GABBR2: variants seen among roughly 807,000 people sequenced by gnomAD.
The protein encoded by GABBR2 is gamma-aminobutyric acid type B receptor subunit 2.
A neutral mutation model predicts 105.6 loss-of-function variants in GABBR2; 23 were observed. The observed-to-expected ratio is 0.22, with a 90% CI of 0.16 to 0.31. The LOEUF (loss-of-function observed/expected upper bound fraction) is 0.31, where lower values mean the gene tolerates loss of function less well. GABBR2 is among the 10% of genes least tolerant of loss of function. GABBR2 has a pLI of 1.00. For missense variants in GABBR2, 734 were observed against 1,245.5 expected (o/e 0.59, Z 6.18); for synonymous variants, 478 against 499.7 (o/e 0.96, Z 0.58).
At chr9:98,557,996 C>A (rs906245924) in intron 2 of GABBR2, among the ~76,000 whole-genome samples, 4 of 152,080 alleles carry the variant, frequency 2.6e-5, no homozygotes, top group Non-Finnish European at 5.9e-5. Context: ...CTATCACCTT[C>A]AATTAAATTA....
chr9:98,468,865 T>C (rs1245903891), intron 6 of GABBR2, among the ~76,000 whole-genome samples: 3 of 151,894 alleles, frequency 2.0e-5, no homozygotes, highest in Non-Finnish European at 1.5e-5. Context: ...AAAGAGCTGA[T>C]TTGGATGTGT....
chr9:98,442,078 G>C (rs542816636), intron 7 of GABBR2, among the ~76,000 whole-genome samples: 1 of 152,300 alleles, frequency 6.6e-6, no homozygotes, highest in Admixed American at 6.5e-5. Context: ...AAATAAATAT[G>C]TATTAATATA....
At chr9:98,637,372 A>C (rs1477221872) in intron 1 of GABBR2, among the ~76,000 whole-genome samples, 2 of 152,220 alleles carry the variant, frequency 1.3e-5, no homozygotes, top group East Asian at 3.8e-4. Flanking sequence ...TAATGGCATT[A>C]ATAAAAATTA....
chr9:98,290,342 A>G lies in GABBR2; in HGVS notation c.*242T>C, dbSNP rs1210723206. The G allele has an allele frequency of 3.3e-6, 1 of 301,492 alleles. No individual in the cohort carries two copies. Among genetic ancestry groups the G allele is most frequent in the East Asian group, 5.2e-5 (1 of 19,328 alleles). 18.7% of individuals were successfully genotyped at this position (301,492 alleles called of 1,614,324 possible). A position where few individuals can be genotyped will look rare whatever the true frequency, so the allele number is the denominator to read the frequency against. Reference sequence around the variant, plus strand: ...TCCTTGTTTGCAGATGTTAAGGAAGACGTCCCATTTCCGTTCCTCTTCTTT... The same window carrying G: ...TCCTTGTTTGCAGATGTTAAGGAAGGCGTCCCATTTCCGTTCCTCTTCTTT... On this transcript the variant is annotated 3_prime_UTR_variant, in exon 19 of 19. Coordinates refer to ENST00000259455, the MANE Select transcript of GABBR2 (RefSeq NM_005458.8).
chr9:98,399,427 C>T (rs1047708201), intron 8 of GABBR2, among the ~76,000 whole-genome samples: 9 of 152,024 alleles, frequency 5.9e-5, no homozygotes, highest in Non-Finnish European at 1.3e-4. Flanking sequence ...CCAGGTAGAC[C>T]TGAGTGCCCT....
intron 1 of GABBR2, among the ~76,000 whole-genome samples, chr9:98,637,477 G>C (rs879404895): frequency 6.6e-6 from 1 of 152,162 alleles, no homozygotes; most frequent in Non-Finnish European, 1.5e-5. Context: ...GATGGCAATG[G>C]GGAATTAGAT....
chr9:98,672,297 A>G (rs887135200), intron 1 of GABBR2, among the ~76,000 whole-genome samples: 1 of 152,208 alleles, frequency 6.6e-6, no homozygotes, highest in Non-Finnish European at 1.5e-5. Flanking sequence ...ATATAAGTGA[A>G]GTCAGACAGT....
intron 3 of GABBR2, among the ~76,000 whole-genome samples, chr9:98,505,996 C>T (rs1827503362): frequency 6.6e-6 from 1 of 152,218 alleles, no homozygotes; most frequent in African/African-American, 2.4e-5. Context: ...AATCTAGATG[C>T]TCACATCACA....
intron 8 of GABBR2, among the ~76,000 whole-genome samples, chr9:98,404,898 G>T (rs1832462298): frequency 6.6e-6 from 1 of 152,162 alleles, no homozygotes; most frequent in Non-Finnish European, 1.5e-5. Context: ...GGTGGAATTT[G>T]TGTGGATTTT....
chr9:98,589,051 C>T (rs1396662448), intron 1 of GABBR2, among the ~76,000 whole-genome samples: 1 of 152,208 alleles, frequency 6.6e-6, no homozygotes, highest in African/African-American at 2.4e-5. Flanking sequence ...GAGGAGGTCA[C>T]CCTCTTCCCA....
intron 1 of GABBR2, among the ~76,000 whole-genome samples, chr9:98,681,593 T>A (rs422654): frequency 0.83 from 124,377 of 150,004 alleles, 51,879 homozygotes; most frequent in Middle Eastern, 0.91. Context: ...TAAAAAAAAA[T>A]TTAAAAAGAT....
chr9:98,588,050 TA>T (rs941754436), intron 1 of GABBR2, among the ~76,000 whole-genome samples: 4 of 152,110 alleles, frequency 2.6e-5, no homozygotes, highest in African/African-American at 7.2e-5. Flanking sequence ...TTTACTTAAA[TA>T]AAAAAAATAC....
intron 2 of GABBR2, among the ~76,000 whole-genome samples, chr9:98,560,601 T>C (rs937789045): frequency 1.8e-4 from 27 of 152,154 alleles, no homozygotes; most frequent in African/African-American, 6.3e-4. Context: ...AGGAACATTG[T>C]ATAGCATTCC....
chr9:98,534,011 C>G (rs1192217135), intron 3 of GABBR2, among the ~76,000 whole-genome samples: 2 of 152,198 alleles, frequency 1.3e-5, no homozygotes, highest in African/African-American at 4.8e-5. Flanking sequence ...CCCGTCCTCC[C>G]CTGCAGGAGT....
chr9:98,482,032 G>A (rs1826934655), intron 4 of GABBR2, among the ~76,000 whole-genome samples: 1 of 152,174 alleles, frequency 6.6e-6, no homozygotes, highest in African/African-American at 2.4e-5. Context: ...GCGGCCACCA[G>A]GAGACCAGCC....
intron 7 of GABBR2, among the ~76,000 whole-genome samples, chr9:98,414,483 T>C (rs537938840): frequency 6.6e-6 from 1 of 152,354 alleles, no homozygotes; most frequent in South Asian, 2.1e-4. Flanking sequence ...TTACCAGCTA[T>C]GCCAAGGATG....
intron 5 of GABBR2, among the ~76,000 whole-genome samples, chr9:98,480,118 A>C (rs899620716): frequency 2.0e-5 from 3 of 152,214 alleles, no homozygotes; most frequent in African/African-American, 7.2e-5. Flanking sequence ...CACTACGCCT[A>C]GAATGACCTC....
Position 98,681,035 on chromosome 9 carries a change from G to A in GABBR2, c.321+27382C>T, listed in dbSNP as rs1404517850. On this transcript the variant is annotated intron_variant, in intron 1 of 18. Transcript: ENST00000259455. ...CAACCATTGTGGAAGTCAGTGTGGC[G>A]ACTCCTCAGGGATCTAGAACTAGAA... Among the ~76,000 whole-genome samples the A allele has an allele frequency of 2.6e-5, 4 of 151,910 alleles. No individual in the cohort carries two copies. The East Asian group carries it at 5.8e-4, about 22-fold the overall frequency.
At chr9:98,561,873 G>A (rs1485787340) in intron 2 of GABBR2, among the ~76,000 whole-genome samples, 1 of 152,130 alleles carries the variant, frequency 6.6e-6, no homozygotes, top group Non-Finnish European at 1.5e-5. Flanking sequence ...GATGGAATGA[G>A]ACTGTCTCTC....
Sources: allele counts gnomAD v4.1 joint callset (sites outside exome capture counted in the v4.1 genomes callset), GRCh38; gene constraint gnomAD v4.1.1; transcripts MANE v1.5; gene names NCBI Gene and HGNC (gene_info 2026-07-23, HGNC 2026-07-21).